The following PLEC variants were observed in gnomAD, a reference collection of about 807,000 sequenced individuals.
The protein encoded by PLEC is hemidesmosomal protein 1.
A neutral mutation model predicts 392.8 loss-of-function variants in PLEC; 216 were observed. The observed-to-expected ratio is 0.55, with a 90% CI of 0.49 to 0.62. The LOEUF (loss-of-function observed/expected upper bound fraction) is 0.62. Ranked by LOEUF, PLEC falls within the 20% of genes least tolerant of loss-of-function variation. The pLI is 0.00. For synonymous variants in PLEC, 3,621 were observed against 2,980.6 expected (o/e 1.21, Z -7.00); for missense variants, 6,863 against 6,563.4 (o/e 1.05, Z -1.58).
upstream of PLEC, chr8:143,942,438 G>C (rs1554729445): frequency 1.2e-6 from 2 of 1,603,456 alleles, no homozygotes; most frequent in East Asian, 2.2e-5. Flanking sequence ...GGGCCGGCTC[G>C]CAGCCCCCGT....
rs781847790 is a variant in PLEC at position 143,918,754 on chromosome 8, C to T, written c.11067G>A (p.Thr3689=). Reference sequence around the variant, plus strand: ...GCAGGTAGACACCAGCCACGGAGCCCGTGCCATAGAGGTAGCACCAGGCGG... The same window carrying T: ...GCAGGTAGACACCAGCCACGGAGCCTGTGCCATAGAGGTAGCACCAGGCGG... ...AESAWCYLYG[T]GSVAGVYLPG... The change falls in exon 32 of 32, where the codon ACG becomes ACA. Residue 3689 remains threonine (T), a synonymous_variant. Transcript: ENST00000345136. The T allele has an allele frequency of 1.5e-5, 24 of 1,613,060 alleles. No individual in the cohort carries two copies. The highest frequency in any genetic ancestry group is 7.7e-5 in the South Asian group (7 of 91,090).
chr8:143,925,353 C>T lies in PLEC; in HGVS notation c.4576G>A (p.Glu1526Lys), dbSNP rs782391966. The T allele has an allele frequency of 1.4e-5, 21 of 1,551,534 alleles. 1 individual carries two copies. The highest frequency in any genetic ancestry group is 3.5e-5 in the South Asian group (3 of 86,118). ...GCCCGCTGCTTCTCGCGCGCCGCCT[C>T]GGCCTCGGCCTTCACGCGCGAGGCC... is the stretch of plus-strand genomic sequence containing the variant. Reference protein sequence around the residue: ...ELASRVKAEAEAAREKQRALQ... With the variant: ...ELASRVKAEAKAAREKQRALQ... Residue 1526 changes from glutamate (E) to lysine (K), a missense_variant, in exon 31 of 32, where the codon GAG becomes AAG. Coordinates refer to ENST00000345136, the MANE Select transcript of PLEC (RefSeq NM_201384.3).
At chr8:143,931,720 G>T in intron 18 of PLEC, 61 bp from the exon 19 acceptor site, 2 of 1,565,450 alleles carry the variant, frequency 1.3e-6, no homozygotes, top group Non-Finnish European at 1.7e-6. Context: ...GCCCACAGTT[G>T]TCCCAGGGCA....
chr8:143,920,493 T>G lies in PLEC; in HGVS notation c.9328A>C (p.Thr3110Pro). 6.2e-7 allele frequency: 1 copy of G among 1,609,404 alleles called. No individual in the cohort carries two copies. The highest frequency in any genetic ancestry group is 8.5e-7 in the Non-Finnish European group (1 of 1,178,634). Residue 3110 changes from threonine to proline, a missense_variant, in exon 32 of 32, where the codon ACA becomes CCA. Physicochemically the swap from Thr to Pro is conservative, Grantham distance 38. Coordinates refer to ENST00000345136, the MANE Select transcript of PLEC (RefSeq NM_201384.3). Reference protein sequence around the residue: ...KAVTGYRDPYTGQSVSLFQAL... With the variant: ...KAVTGYRDPYPGQSVSLFQAL... ...TGGAACAGGGAGACGCTCTGCCCTG[T>G]GTAGGGGTCCCTGTACCCTGTCACA...
intron 1 of PLEC, chr8:143,946,202 T>G: frequency 2.2e-6 from 1 of 459,190 alleles, no homozygotes; most frequent in Non-Finnish European, 3.7e-6. Flanking sequence ...CACACACCCC[T>G]GGGGCAGCTC....
chr8:143,962,406 A>C (rs1280506613), intron 1 of PLEC, among the ~76,000 whole-genome samples: 1 of 152,216 alleles, frequency 6.6e-6, no homozygotes, highest in East Asian at 1.9e-4. Context: ...TCAAAAGATA[A>C]ATTTCTATTG....
Position 143,927,595 on chromosome 8 carries a change from C to T in PLEC, c.3571G>A (p.Val1191Met). 1 of 1,587,698 alleles carries T rather than the reference C, an allele frequency of 6.3e-7. No homozygotes were observed. Among genetic ancestry groups the T allele is most frequent in the South Asian group, 1.1e-5 (1 of 89,568 alleles). ...TGCCGCACGTCGGTCTGGGCCAGCA[C>T]AGCCTGCCAGCGCTCAAGCAACTGG... ...VAQLLERWQA[V>M]LAQTDVRQRE... Residue 1191 changes from valine to methionine, a missense_variant, in exon 27 of 32, where the codon GTG becomes ATG. Physicochemically the swap from Val to Met is conservative, Grantham distance 21. Transcript: ENST00000345136.
At position 143,928,012 on chromosome 8, in the gene PLEC, C is replaced by G. The variant is rs1554709213; in HGVS notation, c.3261-20G>C. On this transcript the variant is annotated intron_variant, in intron 25 of 31. Transcript: ENST00000345136. ...TTGAGCCTGGCGGGAAAGCGGGGCT[C>G]AGGGCCATGACATGGGGCTCGAGCA... is the stretch of plus-strand genomic sequence containing the variant. The G allele has an allele frequency of 1.3e-6, 2 of 1,584,098 alleles. No individual in the cohort carries two copies. Among genetic ancestry groups the G allele is most frequent in the Non-Finnish European group, 1.7e-6 (2 of 1,161,586 alleles).
rs781879464 is a variant in PLEC, at chr8:143,922,815, G to C, written c.7114C>G (p.Arg2372Gly). Residue 2372 changes from arginine to glycine, a missense_variant, in exon 31 of 32, where the codon CGG becomes GGG. Coordinates refer to ENST00000345136, the MANE Select transcript of PLEC (RefSeq NM_201384.3). ...QGFQRTLEAE[R>G]QRQLEMSAEA... The stretch of plus-strand genomic sequence containing the variant: ...GCGCTCATCTCCAGCTGCCGCTGCC[G>C]CTCGGCCTCCAGCGTCCGCTGGAAG... The C allele has an allele frequency of 6.3e-7, 1 of 1,586,026 alleles. No individual in the cohort carries two copies. The highest frequency in any genetic ancestry group is 8.6e-7 in the Non-Finnish European group (1 of 1,169,164).
At chr8:143,940,488 A>G (rs1830248090), upstream of PLEC, among the ~76,000 whole-genome samples, 1 of 152,158 alleles carries the variant, frequency 6.6e-6, no homozygotes, top group African/African-American at 2.4e-5. Context: ...GCTCAAGGGA[A>G]GCAGTCTCAT....
rs547592593 is a variant in PLEC at position 143,966,428 on chromosome 8, A to G, written c.70+6975T>C. On this transcript the variant is annotated intron_variant, in intron 1 of 31. Coordinates refer to the PLEC transcript ENST00000356346. ...CAGGCATCTCTGATTTTATGCACCC[A>G]AGGCTAAGCGCTGGCTCTTCCGCCC... is the stretch of plus-strand genomic sequence containing the variant. 3.2e-4 allele frequency among the ~76,000 whole-genome samples: 49 copies of G among 152,258 alleles called. No homozygotes were observed. The South Asian group carries it at 3.7e-3, about 12-fold the overall frequency.
chr8:143,973,619 G>A (rs1402528283), upstream of PLEC: 79 of 774,876 alleles, frequency 1.0e-4, no homozygotes, highest in African/African-American at 1.4e-3. The surrounding 1 kb of genome is among the most constrained non-coding windows in gnomAD (Gnocchi z 5.6). Context: ...CGGGCGGGGC[G>A]GGGCCGGGGC....
chr8:143,930,201 G>A lies in PLEC; in HGVS notation c.2555C>T (p.Pro852Leu), dbSNP rs1554713184. ...CGGGGGCACCAGGAAGCACACGGAG[G>A]GCACGGCGGCCTCGCTGCCGGAGCT... ...LSSSGSEAAV[P>L]SVCFLVPPPN... Residue 852 changes from proline (P) to leucine (L), a missense_variant, in exon 21 of 32, where the codon CCC becomes CTC. Physicochemically the swap from Pro to Leu is moderately conservative, Grantham distance 98. Coordinates refer to ENST00000345136, the MANE Select transcript of PLEC (RefSeq NM_201384.3). 3 of 1,579,078 alleles carry A rather than the reference G, an allele frequency of 1.9e-6. No homozygotes were observed. Among genetic ancestry groups the A allele is most frequent in the African/African-American group, 1.3e-5 (1 of 74,666 alleles).
intron 12 of PLEC, among the ~76,000 whole-genome samples, chr8:143,933,765 G>A (rs369985592): frequency 3.9e-5 from 6 of 152,166 alleles, no homozygotes; most frequent in South Asian, 2.1e-4. Flanking sequence ...GCAGCCCAGC[G>A]TGGGTTCTGC....
At position 143,920,044 on chromosome 8, in the gene PLEC, A is replaced by G. The variant is rs34644439; in HGVS notation, c.9777T>C (p.Ser3259=). 6.2e-7 allele frequency: 1 copy of G among 1,613,248 alleles called. No individual in the cohort carries two copies. The highest frequency in any genetic ancestry group is 2.2e-5 in the East Asian group (1 of 44,892). Reference sequence around the variant, plus strand: ...GCCGCTGCTCCGCAGTGAAGTACTCAGAGCTGATGAGCTCCCACACCGTCA... The same window carrying G: ...GCCGCTGCTCCGCAGTGAAGTACTCGGAGCTGATGAGCTCCCACACCGTCA... The part of the protein sequence containing the change: ...RTVTVWELIS[S]EYFTAEQRQE... The change falls in exon 32 of 32, where the codon TCT becomes TCC. Residue 3259 remains serine, a synonymous_variant. Coordinates refer to ENST00000345136, the MANE Select transcript of PLEC (RefSeq NM_201384.3).
chr8:143,940,038 C>T (rs533269601), upstream of PLEC, among the ~76,000 whole-genome samples: 5 of 152,322 alleles, frequency 3.3e-5, no homozygotes, highest in South Asian at 4.1e-4. Flanking sequence ...CTCAAGAAGC[C>T]GCTGATACCT....
chr8:143,971,038 G>A (rs1833402367), intron 1 of PLEC, among the ~76,000 whole-genome samples: 1 of 152,160 alleles, frequency 6.6e-6, no homozygotes, highest in South Asian at 2.1e-4. Context: ...CAGACAGGAA[G>A]TTGGCGATGT....
chr8:143,953,542 G>A (rs1213251200), upstream of PLEC, among the ~76,000 whole-genome samples: 1 of 152,156 alleles, frequency 6.6e-6, no homozygotes, highest in Admixed American at 6.5e-5. Context: ...AGCCCAGTAG[G>A]ACCCCGAACC....
chr8:143,938,559 G>A, intron 2 of PLEC, 72 bp downstream of exon 2: 4 of 1,564,418 alleles, frequency 2.6e-6, no homozygotes, highest in South Asian at 1.1e-5. Context: ...GCCTTGGGCG[G>A]CAGGGGCCAC....
Sources: gnomAD v4.1 joint callset for allele counts (sites outside exome capture counted in the v4.1 genomes callset) on GRCh38, gnomAD v4.1.1 for gene constraint, Gnocchi (gnomAD v3.1) non-coding constraint, MANE v1.5 for transcripts, NCBI Gene and HGNC (gene_info 2026-07-23, HGNC 2026-07-21) for gene names.